The following ADK variants were observed in gnomAD, a reference collection of about 807,000 sequenced individuals.
ADK encodes N6,N6-dimethyladenosine kinase.
Under a neutral mutation model 44.7 loss-of-function variants are expected in ADK, and 24 were observed. The ratio of observed to expected loss-of-function variants is 0.54; its 90% CI spans 0.39 to 0.76. The LOEUF (loss-of-function observed/expected upper bound fraction) is 0.76. Among genes scored for constraint, ADK ranks in the 30% least tolerant of loss-of-function variants. The pLI is 0.00. For missense variants in ADK, 321 were observed against 425.1 expected (o/e 0.76, Z 2.15); for synonymous variants, 128 against 142.6 (o/e 0.90, Z 0.73).
chr10:74,154,663 T>A (rs1358772202), intron 1 of ADK, among the ~76,000 whole-genome samples: 5 of 152,182 alleles, frequency 3.3e-5, no homozygotes, highest in African/African-American at 1.2e-4. Context: ...AATTATCTGT[T>A]ATCCTGAATC....
intron 8 of ADK, among the ~76,000 whole-genome samples, chr10:74,598,104 A>C (rs1453822159): frequency 2.0e-5 from 3 of 152,178 alleles, no homozygotes; most frequent in Non-Finnish European, 2.9e-5. Flanking sequence ...GAGGTTTATT[A>C]ACTTGCCCCA....
chr10:74,223,799 A>G (rs953479032), intron 2 of ADK, among the ~76,000 whole-genome samples: 10 of 152,106 alleles, frequency 6.6e-5, no homozygotes, highest in Non-Finnish European at 1.2e-4. Context: ...AAAAACTCCA[A>G]AACTTGAGGC....
chr10:74,539,840 A>G (rs1241841470), intron 7 of ADK, among the ~76,000 whole-genome samples: 5 of 152,194 alleles, frequency 3.3e-5, no homozygotes. Context: ...CTTTCTCCCT[A>G]GGGTTTTTCT....
chr10:74,285,905 G>A (rs1011363422), intron 3 of ADK, among the ~76,000 whole-genome samples: 3 of 152,070 alleles, frequency 2.0e-5, no homozygotes, highest in African/African-American at 4.8e-5. Flanking sequence ...TTACTGTACT[G>A]TACTATGTAT....
chr10:74,652,541 A>G (rs1189378731), intron 9 of ADK, among the ~76,000 whole-genome samples: 1 of 151,598 alleles, frequency 6.6e-6, no homozygotes, highest in African/African-American at 2.4e-5. Flanking sequence ...TGGGCAGATC[A>G]CTTGAGGTCT....
intron 3 of ADK, among the ~76,000 whole-genome samples, chr10:74,312,914 CAAAAAAAAAA>C (rs56052959): frequency 1.6e-4 from 6 of 37,832 alleles, no homozygotes; most frequent in African/African-American, 2.0e-4. Flanking sequence ...ATTCTGTCTC[CAAAAAAAAAA>C]AAAAAAAAAA....
intron 4 of ADK, among the ~76,000 whole-genome samples, chr10:74,342,166 A>G (rs1841603751): frequency 6.6e-6 from 1 of 152,140 alleles, no homozygotes; most frequent in Non-Finnish European, 1.5e-5. Context: ...TCAGTTTGTC[A>G]ATTTACACAA....
rs12778270 is a variant in ADK at position 74,589,271 on chromosome 10, T to C, written c.727-11T>C. The C allele has an allele frequency of 0.016, 25,172 of 1,613,450 alleles. 254 individuals carry two copies. Among genetic ancestry groups the C allele is most frequent in the Non-Finnish European group, 0.018 (21,532 of 1,179,582 alleles). ...TTTATAATTAACTGTTCTTTTTTTT[T>C]TTTATTTCAGGAAGCTGCCACTTTT... On this transcript the variant is annotated splice_polypyrimidine_tract_variant and intron_variant, in intron 7 of 10. Coordinates refer to ENST00000539909, the MANE Select transcript of ADK (RefSeq NM_006721.4).
At chr10:74,348,366 G>A (rs1841846749) in intron 4 of ADK, among the ~76,000 whole-genome samples, 2 of 152,092 alleles carry the variant, frequency 1.3e-5, no homozygotes, top group Non-Finnish European at 2.9e-5. Context: ...AGAAAAACTA[G>A]CAAACAGAAA....
At chr10:74,347,467 G>T (rs1284344271) in intron 4 of ADK, among the ~76,000 whole-genome samples, 1 of 152,102 alleles carries the variant, frequency 6.6e-6, no homozygotes, top group Non-Finnish European at 1.5e-5. Flanking sequence ...CAGGGCCTTG[G>T]GTTTCAAACA....
At chr10:74,208,077 G>C (rs1186679993) in intron 2 of ADK, among the ~76,000 whole-genome samples, 1 of 152,250 alleles carries the variant, frequency 6.6e-6, no homozygotes. Flanking sequence ...CAGTGCCTGG[G>C]CTTGGCCACG....
chr10:74,395,156 A>G (rs1361158876), intron 5 of ADK, among the ~76,000 whole-genome samples: 1 of 152,102 alleles, frequency 6.6e-6, no homozygotes, highest in Non-Finnish European at 1.5e-5. Context: ...TGCATTACTT[A>G]TAGTTGGAAA....
intron 3 of ADK, among the ~76,000 whole-genome samples, chr10:74,239,864 TTTAG>T (rs1269828555): frequency 2.0e-5 from 3 of 152,168 alleles, no homozygotes; most frequent in African/African-American, 7.2e-5. Context: ...AAATATTCTA[TTTAG>T]TTATCTTTGA....
intron 6 of ADK, among the ~76,000 whole-genome samples, chr10:74,435,886 T>C (rs919615695): frequency 2.0e-5 from 3 of 152,222 alleles, no homozygotes; most frequent in Non-Finnish European, 4.4e-5. Flanking sequence ...TGCTGGAACA[T>C]CTGCCTTACC....
rs185297859 is a variant in ADK, at chr10:74,376,060, C to A, written c.274-18081C>A. On this transcript the variant is annotated intron_variant, in intron 4 of 10. Transcript: ENST00000539909. ...AAAAAAAATCACCTTTATTTTAATA[C>A]TATATTGCCATAGGTACTTGGATCC... 1.3e-4 allele frequency among the ~76,000 whole-genome samples: 20 copies of A among 151,846 alleles called. No individual in the cohort carries two copies. The East Asian group carries it at 3.7e-3, about 28-fold the overall frequency.
chr10:74,243,745 C>T (rs527557580), intron 3 of ADK, among the ~76,000 whole-genome samples: 6 of 152,130 alleles, frequency 3.9e-5, no homozygotes, highest in Non-Finnish European at 7.3e-5. Context: ...CACTTGTGGT[C>T]CCAGCTACTT....
chr10:74,216,373 C>CCTTCTCTGCCTTCAAAATGTTG (rs1311301187), intron 2 of ADK, among the ~76,000 whole-genome samples: 2 of 151,596 alleles, frequency 1.3e-5, no homozygotes, highest in Non-Finnish European at 2.9e-5. Context: ...TTTTTTTTCT[C>CCTTCTCTGCCTTCAAAATGTTG]CTTCTCTGCC....
intron 9 of ADK, among the ~76,000 whole-genome samples, chr10:74,637,679 G>GA (rs1853664136): frequency 6.7e-6 from 1 of 148,378 alleles, no homozygotes; most frequent in Non-Finnish European, 1.5e-5. Flanking sequence ...GTTCAAATTA[G>GA]ATAGCCATTT....
chr10:74,586,243 T>TC (rs1215176382), intron 7 of ADK, among the ~76,000 whole-genome samples: 1 of 152,136 alleles, frequency 6.6e-6, no homozygotes, highest in African/African-American at 2.4e-5. Context: ...GGGGCACCAG[T>TC]CCAAGATCAG....
Sources: gnomAD v4.1 joint callset for allele counts (sites outside exome capture counted in the v4.1 genomes callset) on GRCh38, gnomAD v4.1.1 for gene constraint, MANE v1.5 for transcripts, NCBI Gene and HGNC (gene_info 2026-07-23, HGNC 2026-07-21) for gene names.